Variants in TAS1R2 observed in about 807,000 individuals in gnomAD.
The protein encoded by TAS1R2 is taste 1 receptor member 2.
A neutral mutation model predicts 49.3 loss-of-function variants in TAS1R2; 47 were observed. The ratio of observed to expected loss-of-function variants is 0.95; its 90% confidence interval spans 0.75 to 1.22. TAS1R2 has a LOEUF of 1.22. Among genes scored for constraint, TAS1R2 ranks in the 50% most tolerant of loss-of-function variants. The probability of loss-of-function intolerance (pLI) is 0.00; values close to 1 mark genes in which losing one functional copy is unlikely to be tolerated. For missense variants in TAS1R2, 1,155 were observed against 1,122.1 expected, an observed-to-expected ratio of 1.03 and a Z score of -0.42; for synonymous variants, 479 against 467.9, an observed-to-expected ratio of 1.02 and a Z score of -0.31.
intron 3 of TAS1R2, among the ~76,000 whole-genome samples, chr1:18,851,043 A>G (rs1222283669): frequency 6.6e-6 from 1 of 152,238 alleles, no homozygotes; most frequent in East Asian, 1.9e-4. Context: ...CAAGGCTCAG[A>G]GATATTAAAT....
At position 18,841,714 on chromosome 1, in the gene TAS1R2, G is replaced by A. The variant is rs1241599159; in HGVS notation, c.1591+15C>T. 1.9e-6 allele frequency: 3 copies of A among 1,611,110 alleles called. No homozygotes were observed. In the East Asian group the frequency reaches 6.7e-5, roughly 36 times the overall value. On this transcript the variant is annotated intron_variant, in intron 5 of 5. Coordinates refer to ENST00000375371, the Ensembl canonical transcript of TAS1R2. ...GGCAGGGGCAGGGCAGGAGTGCTAG[G>A]CCTGTGAATCATACCTTCAGTGTGG... is the stretch of plus-strand genomic sequence containing the variant.
chr1:18,855,752 G>C lies in TAS1R2; in HGVS notation c.484-766C>G, dbSNP rs34462826. Among the ~76,000 whole-genome samples the C allele has an allele frequency of 2.4e-3, 361 of 152,210 alleles. 12 individuals carry two copies. In the East Asian group the frequency reaches 0.06, roughly 25 times the overall value. The stretch of plus-strand genomic sequence containing the variant: ...CTGAACCCTGTTCTCCTCTGAGCCT[G>C]CTCCATCCACACCCTCCCCCATCTT... On this transcript the variant is annotated intron_variant, in intron 2 of 5. Transcript: ENST00000375371.
exon 2 of TAS1R2, chr1:18,857,599 A>G: frequency 6.2e-7 from 1 of 1,614,028 alleles, no homozygotes; most frequent in Non-Finnish European, 8.5e-7. Context: ...CATGGCCTGC[A>G]TGAGGTTGTA....
intron 4 of TAS1R2, among the ~76,000 whole-genome samples, chr1:18,843,406 G>T (rs989114150): frequency 2.0e-5 from 3 of 152,174 alleles, no homozygotes; most frequent in Non-Finnish European, 4.4e-5. Flanking sequence ...TCCATTCTAA[G>T]ATAATAGACA....
Position 18,854,642 on chromosome 1 carries a change from C to A in TAS1R2, c.828G>T (p.Ser276=). Reference sequence around the variant, plus strand: ...AGAAGTGGTACAGGGTCAGGTCGGGCGAGAACACGACCACGACGCGCGCTG... The same window carrying A: ...AGAAGTGGTACAGGGTCAGGTCGGGAGAGAACACGACCACGACGCGCGCTG... Residue 276 remains serine (S), a synonymous_variant, in exon 3 of 6, where the codon TCG becomes TCT. Transcript: ENST00000375371. The surrounding 1 kb of genome is among the most constrained non-coding windows in gnomAD (Gnocchi z 4.9). 4.3e-6 allele frequency: 7 copies of A among 1,614,016 alleles called. No individual in the cohort carries two copies. Among genetic ancestry groups the A allele is most frequent in the Non-Finnish European group, 5.9e-6 (7 of 1,179,980 alleles).
chr1:18,840,636 G>T, intron 5 of TAS1R2, 109 bp from the exon 6 acceptor site: 1 of 1,129,940 alleles, frequency 8.9e-7, no homozygotes, highest in Non-Finnish European at 1.3e-6. Flanking sequence ...AGCACCAAGG[G>T]CAACCCTTGC....
intron 3 of TAS1R2, among the ~76,000 whole-genome samples, chr1:18,850,488 G>A (rs983902214): frequency 6.6e-6 from 1 of 152,258 alleles, no homozygotes; most frequent in East Asian, 1.9e-4. Flanking sequence ...AATGTGCACA[G>A]GTTGCTAAGC....
chr1:18,851,082 C>T (rs1934012073), intron 3 of TAS1R2, among the ~76,000 whole-genome samples: 1 of 152,200 alleles, frequency 6.6e-6, no homozygotes, highest in African/African-American at 2.4e-5. Flanking sequence ...CTAGTAGTGG[C>T]AGCACTGGGA....
chr1:18,851,760 C>T (rs924442476), intron 3 of TAS1R2, among the ~76,000 whole-genome samples: 1 of 152,216 alleles, frequency 6.6e-6, no homozygotes, highest in Non-Finnish European at 1.5e-5. Context: ...TCCAACTCTT[C>T]TCATCGCCCC....
intron 4 of TAS1R2, among the ~76,000 whole-genome samples, chr1:18,848,495 A>G (rs1045930881): frequency 6.6e-6 from 1 of 152,076 alleles, no homozygotes; most frequent in Non-Finnish European, 1.5e-5. Flanking sequence ...CCTACCAGCT[A>G]TTGATAAAGC....
At chr1:18,855,393 C>G (rs1450154321) in intron 2 of TAS1R2, among the ~76,000 whole-genome samples, 2 of 152,198 alleles carry the variant, frequency 1.3e-5, no homozygotes, top group African/African-American at 4.8e-5. Context: ...TCCCCCTCAT[C>G]ACCGTCAGGC....
At chr1:18,840,198 A>C (rs1376225845) in exon 6 of TAS1R2, 1 of 1,614,104 alleles carries the variant, frequency 6.2e-7, no homozygotes, top group African/African-American at 1.3e-5. Flanking sequence ...CAGATTGTGA[A>C]GCAGAGGGGA....
chr1:18,849,513 A>G (rs765606811), exon 4 of TAS1R2: 1 of 1,614,230 alleles, frequency 6.2e-7, no homozygotes, highest in Non-Finnish European at 8.5e-7. Flanking sequence ...TTGGTGGTCC[A>G]GGAGAGTGAA....
At position 18,854,693 on chromosome 1, in the gene TAS1R2, G is replaced by A. The variant is rs968603222; in HGVS notation, c.777C>T (p.Thr259=). Residue 259 remains threonine, a synonymous_variant, in exon 3 of 6, where the codon ACC becomes ACT. Transcript: ENST00000375371. This position sits in a 1 kb window ranked among gnomAD's most constrained non-coding sequence, Gnocchi z 4.9. Reference sequence around the variant, plus strand: ...TGCTCTGCTGCAGCTTGTCCACAATGGTCACCAGGCGCTGGCGCTCCTCTG... The same window carrying A: ...TGCTCTGCTGCAGCTTGTCCACAATAGTCACCAGGCGCTGGCGCTCCTCTG... 1 of 1,613,802 alleles carries A rather than the reference G, an allele frequency of 6.2e-7. No individual in the cohort carries two copies. The highest frequency in any genetic ancestry group is 2.2e-5 in the East Asian group (1 of 44,868).
At chr1:18,857,444 T>G in exon 2 of TAS1R2, 1 of 1,614,108 alleles carries the variant, frequency 6.2e-7, no homozygotes, top group Non-Finnish European at 8.5e-7. Context: ...TCCTCTTGGA[T>G]GGGAAGGAGG....
At chr1:18,846,404 CT>C (rs1396748176) in intron 4 of TAS1R2, among the ~76,000 whole-genome samples, 1 of 152,220 alleles carries the variant, frequency 6.6e-6, no homozygotes, top group Admixed American at 6.5e-5. Flanking sequence ...CTTGGACCAA[CT>C]TTCCCTGTTC....
At position 18,854,956 on chromosome 1, in the gene TAS1R2, G is replaced by T; in HGVS notation, c.514C>A (p.Arg172=). ...AAAGCCGGGAAGCGCACCTTGTCTC[G>T]CAGCTCATCGCTGATGGCGCTGTAG... Residue 172 remains arginine (R), a synonymous_variant, in exon 3 of 6, where the codon CGA becomes AGA. Coordinates refer to ENST00000375371, the Ensembl canonical transcript of TAS1R2. This position sits in a 1 kb window ranked among gnomAD's most constrained non-coding sequence, Gnocchi z 4.9. 1 of 1,606,590 alleles carries T rather than the reference G, an allele frequency of 6.2e-7. No homozygotes were observed. The highest frequency in any genetic ancestry group is 1.1e-5 in the South Asian group (1 of 91,000).
Position 18,846,401 on chromosome 1 carries a change from C to T in TAS1R2, c.1467+2940G>A, listed in dbSNP as rs954484941. Among the ~76,000 whole-genome samples the T allele has an allele frequency of 2.0e-5, 3 of 152,170 alleles. 1 individual carries two copies. In the South Asian group the frequency reaches 6.2e-4, roughly 32 times the overall value. ...GTGGCTTGAGGTTGTTCTCTTGGAC[C>T]AACTTTCCCTGTTCCCTGTGGAACT... On this transcript the variant is annotated intron_variant, in intron 4 of 5. Coordinates refer to ENST00000375371, the Ensembl canonical transcript of TAS1R2.
chr1:18,857,710 C>T, intron 1 of TAS1R2, 79 bp from the exon 2 acceptor site: 1 of 1,484,172 alleles, frequency 6.7e-7, no homozygotes, highest in Non-Finnish European at 9.0e-7. Flanking sequence ...GCCCACTCCT[C>T]CTTCCTGCCA....
Sources: gnomAD v4.1 joint callset for allele counts (sites outside exome capture counted in the v4.1 genomes callset) on GRCh38, gnomAD v4.1.1 for gene constraint, Gnocchi (gnomAD v3.1) non-coding constraint, MANE v1.5 for transcripts, NCBI Gene and HGNC (gene_info 2026-07-23, HGNC 2026-07-21) for gene names.